NPLOC4: variants seen among roughly 807,000 people sequenced by gnomAD.
NPLOC4 encodes nuclear protein localization protein 4 homolog.
NPLOC4 carries 18 observed loss-of-function variants against 80.6 expected under a neutral mutation model. The ratio of observed to expected loss-of-function variants is 0.22; its 90% CI spans 0.15 to 0.33. The LOEUF (loss-of-function observed/expected upper bound fraction) is 0.33, where lower values mean the gene tolerates loss of function less well. Among genes scored for constraint, NPLOC4 ranks in the 10% least tolerant of loss-of-function variants. The pLI is 1.00. For missense variants in NPLOC4, 540 were observed against 786.1 expected, an observed-to-expected ratio of 0.69 and a Z score of 3.74; for synonymous variants, 313 against 301.5, an observed-to-expected ratio of 1.04 and a Z score of -0.39.
intron 12 of NPLOC4, chr17:81,573,599 T>G (rs1228363097): frequency 1.3e-5 from 2 of 152,226 alleles, no homozygotes; most frequent in African/African-American, 2.4e-5. Context: ...TTGACTAGTC[T>G]TAAAAAATAA....
intron 8 of NPLOC4, among the ~76,000 whole-genome samples, chr17:81,602,952 T>C (rs8067862): frequency 2.4e-4 from 33 of 138,056 alleles, no homozygotes; most frequent in African/African-American, 7.7e-4. Flanking sequence ...TACACACACA[T>C]ATATATACAC....
At chr17:81,620,684 G>T (rs1356183538) in intron 3 of NPLOC4, among the ~76,000 whole-genome samples, 1 of 152,048 alleles carries the variant, frequency 6.6e-6, no homozygotes, top group African/African-American at 2.4e-5. Context: ...TTAAAAAGAG[G>T]AGGGAGAAAA....
chr17:81,601,831 A>C (rs2035063472), intron 8 of NPLOC4, among the ~76,000 whole-genome samples: 1 of 152,178 alleles, frequency 6.6e-6, no homozygotes, highest in Non-Finnish European at 1.5e-5. Flanking sequence ...AAAGACACAC[A>C]TTTGTGCAGG....
chr17:81,625,344 GC>G (rs2144313343), intron 2 of NPLOC4, among the ~76,000 whole-genome samples: 1 of 152,270 alleles, frequency 6.6e-6, no homozygotes, highest in African/African-American at 2.4e-5. Context: ...CTGCAGTGAA[GC>G]CGTCCAGCAG....
chr17:81,578,474 GTT>G (rs928532722), intron 12 of NPLOC4, among the ~76,000 whole-genome samples: 1 of 152,168 alleles, frequency 6.6e-6, no homozygotes, highest in African/African-American at 2.4e-5. Context: ...CGACTGGTCC[GTT>G]TTCTCACTGC....
chr17:81,582,034 G>C (rs1215218789), intron 12 of NPLOC4, among the ~76,000 whole-genome samples: 1 of 152,152 alleles, frequency 6.6e-6, no homozygotes, highest in Non-Finnish European at 1.5e-5. Flanking sequence ...AACATGAGGA[G>C]GGCTCCTCTG....
chr17:81,629,979 A>G, intron 1 of NPLOC4, 174 bp from the exon 2 acceptor site: 1 of 566,628 alleles, frequency 1.8e-6, no homozygotes, highest in Non-Finnish European at 3.2e-6. Context: ...CCGAGGGGTG[A>G]GATTCATCAA....
intron 14 of NPLOC4, among the ~76,000 whole-genome samples, chr17:81,568,595 G>A (rs888964204): frequency 6.6e-6 from 1 of 152,188 alleles, no homozygotes; most frequent in Non-Finnish European, 1.5e-5. Context: ...GCCAACACGG[G>A]AGCCACGCTA....
At chr17:81,608,632 T>A in intron 6 of NPLOC4, 96 bp downstream of exon 6, 1 of 841,722 alleles carries the variant, frequency 1.2e-6, no homozygotes, top group African/African-American at 1.7e-5. Flanking sequence ...TTCTCATCTT[T>A]ACTTCTCTCA....
At chr17:81,636,830 G>A (rs989671422) in intron 1 of NPLOC4, 86 bp downstream of exon 1, 8 of 1,283,222 alleles carry the variant, frequency 6.2e-6, no homozygotes, top group South Asian at 2.2e-5. Context: ...CGCGGCGCCG[G>A]CAGGCCCGCC....
At chr17:81,620,109 G>A (rs2035624269) in intron 3 of NPLOC4, among the ~76,000 whole-genome samples, 1 of 152,184 alleles carries the variant, frequency 6.6e-6, no homozygotes, top group Non-Finnish European at 1.5e-5. Flanking sequence ...GGAAGAGATG[G>A]AAGGGGAACC....
chr17:81,631,848 G>A (rs1424270411), intron 1 of NPLOC4, among the ~76,000 whole-genome samples: 1 of 151,894 alleles, frequency 6.6e-6, no homozygotes, highest in Admixed American at 6.6e-5. Context: ...GGCCCAGGCT[G>A]GAGTACAATG....
chr17:81,559,417 C>G lies in NPLOC4; in HGVS notation c.1670-1G>C, dbSNP rs928080240. 6.2e-7 allele frequency: 1 copy of G among 1,608,584 alleles called. No individual in the cohort carries two copies. Among genetic ancestry groups the G allele is most frequent in the Non-Finnish European group, 8.5e-7 (1 of 1,177,642 alleles). ...CCTGGGAGCTGCCCGCCAACTGTGC[C>G]TGCAGGGTGGAAGAGAAATGAGCAC... On this transcript the variant is annotated splice_acceptor_variant, in intron 16 of 16. Coordinates refer to ENST00000331134, the MANE Select transcript of NPLOC4 (RefSeq NM_017921.4). LOFTEE classifies it high-confidence loss of function.
rs143025803 is a variant in NPLOC4, at chr17:81,606,843, C to T, written c.531-29G>A. 939 of 1,241,892 alleles carry T rather than the reference C, an allele frequency of 7.6e-4. No individual in the cohort carries two copies. The African/African-American group carries it at 0.012, about 16-fold the overall frequency. 76.9% of individuals were successfully genotyped at this position (1,241,892 alleles called of 1,614,324 possible). A position where few individuals can be genotyped will look rare whatever the true frequency, so the allele number is the denominator to read the frequency against. The stretch of plus-strand genomic sequence containing the variant: ...CATAGAAGAGAAGCAACTTAAACAT[C>T]ACATTGGTGAAAAGTTGAGCAAGAG... On this transcript the variant is annotated intron_variant, in intron 6 of 16. Transcript: ENST00000331134.
chr17:81,633,929 C>G (rs557168814), intron 1 of NPLOC4, among the ~76,000 whole-genome samples: 9 of 151,100 alleles, frequency 6.0e-5, no homozygotes, highest in African/African-American at 2.2e-4. Flanking sequence ...TGCAGTGGTG[C>G]GATCTCGGCT....
chr17:81,618,249 G>A (rs2035558279), intron 3 of NPLOC4, among the ~76,000 whole-genome samples: 1 of 151,610 alleles, frequency 6.6e-6, no homozygotes, highest in East Asian at 1.9e-4. Context: ...TCTAGGAAGT[G>A]AGGAGCGTCT....
At position 81,567,568 on chromosome 17, in the gene NPLOC4, C is replaced by T. The variant is rs1006838188; in HGVS notation, c.1450-35G>A. On this transcript the variant is annotated intron_variant, in intron 14 of 16. Coordinates refer to ENST00000331134, the MANE Select transcript of NPLOC4 (RefSeq NM_017921.4). The surrounding 1 kb of genome is among the most constrained non-coding windows in gnomAD (Gnocchi z 4.5). ...TGGGAATAAACATGAATGTTCCATA[C>T]AGTTCCCCAGTGCCAGACCCCGAAA... The T allele has an allele frequency of 1.3e-5, 17 of 1,290,704 alleles. No individual in the cohort carries two copies. The highest frequency in any genetic ancestry group is 1.7e-5 in the Non-Finnish European group (15 of 897,604). The allele number at this position is 1,290,704 out of a possible 1,614,324, so 80.0% of individuals were successfully genotyped here. A position where few individuals can be genotyped will look rare whatever the true frequency, so the allele number is the denominator to read the frequency against.
At chr17:81,591,459 A>AAC (rs2034740299) in intron 11 of NPLOC4, among the ~76,000 whole-genome samples, 3 of 150,290 alleles carry the variant, frequency 2.0e-5, no homozygotes, top group Admixed American at 6.6e-5. Flanking sequence ...AAAAAAAAAA[A>AAC]AAAAAAAAAA....
intron 10 of NPLOC4, 119 bp from the exon 11 acceptor site, chr17:81,596,361 A>T: frequency 1.7e-6 from 2 of 1,185,468 alleles, no homozygotes; most frequent in Non-Finnish European, 2.3e-6. Flanking sequence ...TAATTCCAGC[A>T]CTTTGAGAGG....
Sources: allele counts gnomAD v4.1 joint callset (sites outside exome capture counted in the v4.1 genomes callset), GRCh38; gene constraint gnomAD v4.1.1; non-coding constraint Gnocchi (gnomAD v3.1); transcripts MANE v1.5; gene names NCBI Gene and HGNC (gene_info 2026-07-23, HGNC 2026-07-21).